The following NWD2 variants were observed in gnomAD, a reference collection of about 807,000 sequenced individuals.
NWD2 encodes the protein NACHT and WD repeat domain-containing protein 2.
In NWD2, 37 loss-of-function variants were observed where a neutral mutation model predicts 132.7. The ratio of observed to expected loss-of-function variants is 0.28; its 90% confidence interval spans 0.21 to 0.37. The LOEUF (loss-of-function observed/expected upper bound fraction) is 0.37, where lower values mean the gene tolerates loss of function less well. Among genes scored for constraint, NWD2 ranks in the 10% least tolerant of loss-of-function variants. The pLI, the probability that NWD2 is intolerant of heterozygous loss-of-function variation, is 1.00. For missense variants in NWD2, 1,592 were observed against 2,122.4 expected (o/e 0.75, Z 4.91); for synonymous variants, 705 against 803.0 (o/e 0.88, Z 2.06).
In NWD2 at chr4:37,333,490, A is replaced by G. The variant is rs140290218; in HGVS notation, c.240+7466A>G. ...ATCTTATCCAAGACCACCAAGGCAG[A>G]AGAGCCACGTGTTACTGGGCTTGGA... On this transcript the variant is annotated intron_variant, in intron 2 of 6. Coordinates refer to ENST00000309447, the MANE Select transcript of NWD2 (RefSeq NM_001144990.2). Among the ~76,000 whole-genome samples, 1,389 of 152,330 alleles carry G rather than the reference A, an allele frequency of 9.1e-3. 8 individuals are homozygous for G. The highest frequency in any genetic ancestry group is 0.015 in the Non-Finnish European group (987 of 68,028).
intron 1 of NWD2, among the ~76,000 whole-genome samples, chr4:37,289,463 C>T (rs1718314290): frequency 6.6e-6 from 1 of 152,040 alleles, no homozygotes; most frequent in Non-Finnish European, 1.5e-5. Context: ...ATACTTACCC[C>T]CAAGATTCTA....
intron 3 of NWD2, among the ~76,000 whole-genome samples, chr4:37,418,632 A>C (rs1259494469): frequency 3.5e-4 from 8 of 22,856 alleles, no homozygotes; most frequent in African/African-American, 4.9e-4. Context: ...TCTTTCTCCC[A>C]AAAAAAAAAA....
At chr4:37,374,432 G>A (rs1720302606) in intron 3 of NWD2, among the ~76,000 whole-genome samples, 1 of 152,148 alleles carries the variant, frequency 6.6e-6, no homozygotes, top group Admixed American at 6.5e-5. Flanking sequence ...GACTAATACA[G>A]GTGGATTGCA....
chr4:37,333,341 A>G (rs942989343), intron 2 of NWD2, among the ~76,000 whole-genome samples: 2 of 152,168 alleles, frequency 1.3e-5, no homozygotes, highest in Non-Finnish European at 2.9e-5. Flanking sequence ...TGGTGGTCAT[A>G]AGGATGCTTG....
In NWD2 at chr4:37,352,134, G is replaced by T. The variant is rs113398470; in HGVS notation, c.241-4232G>T. 3.2e-3 allele frequency among the ~76,000 whole-genome samples: 484 copies of T among 152,294 alleles called. 3 individuals carry two copies. Among genetic ancestry groups the T allele is most frequent in the African/African-American group, 0.011 (470 of 41,558 alleles). ...AATTTTAGAATAAGTGTGATGATGTGCTGAGAAGAATGTATATTCTGTTGA... is the reference window on the plus strand; with the variant it reads ...AATTTTAGAATAAGTGTGATGATGTTCTGAGAAGAATGTATATTCTGTTGA... On this transcript the variant is annotated intron_variant, in intron 2 of 6. Transcript: ENST00000309447.
intron 2 of NWD2, among the ~76,000 whole-genome samples, chr4:37,326,650 G>T (rs1007231549): frequency 1.3e-5 from 2 of 151,992 alleles, no homozygotes; most frequent in Non-Finnish European, 2.9e-5. Context: ...ATGTATCTTG[G>T]GCATCCAAAT....
chr4:37,289,405 C>G (rs1444741997), intron 1 of NWD2, among the ~76,000 whole-genome samples: 1 of 152,146 alleles, frequency 6.6e-6, no homozygotes, highest in African/African-American at 2.4e-5. Context: ...ATGATAAAAA[C>G]TTTCAAAATT....
chr4:37,388,645 T>TATATATATC (rs71655492), intron 3 of NWD2, among the ~76,000 whole-genome samples: 2 of 112,616 alleles, frequency 1.8e-5, no homozygotes, highest in Non-Finnish European at 3.6e-5. Context: ...CATATATAAA[T>TATATATATC]ATATATATCA....
intron 2 of NWD2, among the ~76,000 whole-genome samples, chr4:37,342,438 A>C (rs1044444668): frequency 6.6e-6 from 1 of 152,128 alleles, no homozygotes; most frequent in African/African-American, 2.4e-5. Context: ...TAAACTTCCC[A>C]GTCTCAGGTA....
At chr4:37,329,918 A>G (rs968355326) in intron 2 of NWD2, among the ~76,000 whole-genome samples, 3 of 152,242 alleles carry the variant, frequency 2.0e-5, no homozygotes, top group Non-Finnish European at 4.4e-5. Flanking sequence ...TCACCTGCCT[A>G]TAAGTGCCAA....
intron 3 of NWD2, among the ~76,000 whole-genome samples, chr4:37,372,073 GTT>G (rs1407875090): frequency 6.6e-6 from 1 of 152,060 alleles, no homozygotes; most frequent in Non-Finnish European, 1.5e-5. Context: ...TTAAATCATT[GTT>G]AGATAAAATC....
chr4:37,434,501 A>T (rs1051530446), intron 5 of NWD2, among the ~76,000 whole-genome samples: 4 of 152,198 alleles, frequency 2.6e-5, no homozygotes, highest in Admixed American at 6.5e-5. Context: ...AATGAACAAG[A>T]TCGTATCAAA....
intron 2 of NWD2, among the ~76,000 whole-genome samples, chr4:37,354,146 C>T (rs1189448126): frequency 6.6e-6 from 1 of 152,186 alleles, no homozygotes; most frequent in Non-Finnish European, 1.5e-5. Context: ...ACTCCAGACT[C>T]TGTTTGCCTG....
intron 3 of NWD2, among the ~76,000 whole-genome samples, chr4:37,394,812 T>TG (rs1560411793): frequency 3.5e-4 from 42 of 119,814 alleles, no homozygotes; most frequent in African/African-American, 4.1e-4. Context: ...TTTTTTTTTT[T>TG]TTTTTTTTTT....
intron 2 of NWD2, among the ~76,000 whole-genome samples, chr4:37,349,304 G>A (rs751419695): frequency 3.3e-5 from 5 of 152,132 alleles, no homozygotes; most frequent in South Asian, 2.1e-4. Flanking sequence ...CACCAACAGC[G>A]TGAAAGCGTT....
chr4:37,386,676 A>G (rs1720570065), intron 3 of NWD2, among the ~76,000 whole-genome samples: 1 of 151,976 alleles, frequency 6.6e-6, no homozygotes, highest in African/African-American at 2.4e-5. Flanking sequence ...CTTTTTCCCT[A>G]CTTATACAGT....
At chr4:37,313,207 C>T (rs1293203997) in intron 1 of NWD2, among the ~76,000 whole-genome samples, 2 of 151,050 alleles carry the variant, frequency 1.3e-5, no homozygotes, top group Admixed American at 1.3e-4. Context: ...GGAATGGTAC[C>T]AGTTCCTCCT....
At chr4:37,413,760 G>A (rs952758890) in intron 3 of NWD2, among the ~76,000 whole-genome samples, 3 of 152,100 alleles carry the variant, frequency 2.0e-5, no homozygotes, top group African/African-American at 7.2e-5. Flanking sequence ...AGAAAATGTG[G>A]TACATATACA....
At position 37,373,488 on chromosome 4, in the gene NWD2, T is replaced by C. The variant is rs78825803; in HGVS notation, c.357+17006T>C. On this transcript the variant is annotated intron_variant, in intron 3 of 6. Coordinates refer to ENST00000309447, the MANE Select transcript of NWD2 (RefSeq NM_001144990.2). ...CCATAAACAAGGAATGTAATAGAGGTTTGGTAGCTTATTGTAACTTGGCTT... is the reference window on the plus strand; with the variant it reads ...CCATAAACAAGGAATGTAATAGAGGCTTGGTAGCTTATTGTAACTTGGCTT... 6.7e-3 allele frequency among the ~76,000 whole-genome samples: 1,019 copies of C among 152,244 alleles called. 12 individuals are homozygous for C. Among genetic ancestry groups the C allele is most frequent in the African/African-American group, 0.023 (956 of 41,558 alleles).
Sources: gnomAD v4.1 joint callset for allele counts (sites outside exome capture counted in the v4.1 genomes callset) on GRCh38, gnomAD v4.1.1 for gene constraint, MANE v1.5 for transcripts, NCBI Gene and HGNC (gene_info 2026-07-23, HGNC 2026-07-21) for gene names.